The following SNTG1 variants were observed in gnomAD, a reference collection of about 807,000 sequenced individuals.
SNTG1 encodes the protein syntrophin gamma 1.
A neutral mutation model predicts 74.7 loss-of-function variants in SNTG1; 39 were observed. The ratio of observed to expected loss-of-function variants is 0.52; its 90% CI spans 0.40 to 0.68. The LOEUF is 0.68. Among genes scored for constraint, SNTG1 ranks in the 30% least tolerant of loss-of-function variants. The pLI, the probability that SNTG1 is intolerant of heterozygous loss-of-function variation, is 0.00. For missense variants in SNTG1, 685 were observed against 609.5 expected, an observed-to-expected ratio of 1.12 and a Z score of -1.30; for synonymous variants, 254 against 217.1, an observed-to-expected ratio of 1.17 and a Z score of -1.49.
chr8:50,330,967 T>C (rs761819990), intron 2 of SNTG1, among the ~76,000 whole-genome samples: 5 of 152,222 alleles, frequency 3.3e-5, no homozygotes, highest in African/African-American at 4.8e-5. Context: ...AGCTAAACCA[T>C]ATCATGTGAT....
intron 1 of SNTG1, among the ~76,000 whole-genome samples, chr8:49,959,709 T>G (rs2129161): frequency 0.64 from 97,657 of 152,132 alleles, 35,431 homozygotes; most frequent in East Asian, 0.86. Context: ...GATGAATATT[T>G]CACCTGTTTC....
chr8:50,580,499 C>A (rs1459286967), intron 12 of SNTG1, among the ~76,000 whole-genome samples: 1 of 152,108 alleles, frequency 6.6e-6, no homozygotes, highest in Non-Finnish European at 1.5e-5. Flanking sequence ...CCACCCAAAT[C>A]TCATCTTGAA....
chr8:50,170,809 A>G (rs944361783), intron 1 of SNTG1, among the ~76,000 whole-genome samples: 1 of 152,148 alleles, frequency 6.6e-6, no homozygotes, highest in Non-Finnish European at 1.5e-5. Context: ...AGGTCCCCAC[A>G]TTCTTGCCGC....
intron 2 of SNTG1, among the ~76,000 whole-genome samples, chr8:50,186,688 CTGTT>C (rs1386284990): frequency 6.6e-6 from 1 of 151,756 alleles, no homozygotes; most frequent in African/African-American, 2.4e-5. Context: ...TGAGAAGTGT[CTGTT>C]CATATCCTTT....
chr8:50,035,877 T>C (rs948525421), intron 1 of SNTG1, among the ~76,000 whole-genome samples: 2 of 152,064 alleles, frequency 1.3e-5, no homozygotes, highest in Non-Finnish European at 2.9e-5. Context: ...CTCGGACAGA[T>C]GTCCAAGCAC....
intron 4 of SNTG1, among the ~76,000 whole-genome samples, chr8:50,403,446 C>G (rs532015971): frequency 6.6e-6 from 1 of 152,268 alleles, no homozygotes; most frequent in East Asian, 1.9e-4. Flanking sequence ...AAACTGTTCC[C>G]ATGGGGTTGT....
intron 9 of SNTG1, 25 bp downstream of exon 9, chr8:50,502,905 A>G (rs1377173770): frequency 1.3e-6 from 2 of 1,522,258 alleles, no homozygotes; most frequent in South Asian, 1.1e-5. Context: ...AGAATAGATA[A>G]AAGTGCTCAC....
intron 1 of SNTG1, among the ~76,000 whole-genome samples, chr8:50,115,575 A>AC (rs2080784018): frequency 6.9e-6 from 1 of 144,776 alleles, no homozygotes; most frequent in Non-Finnish European, 1.5e-5. Context: ...CTCAAAAAAA[A>AC]AAAAAAAAAA....
intron 2 of SNTG1, among the ~76,000 whole-genome samples, chr8:50,244,065 T>G (rs73577260): frequency 0.031 from 4,662 of 152,220 alleles, 231 homozygotes; most frequent in African/African-American, 0.1. Flanking sequence ...TGGCATCTGC[T>G]TGGCTTCTGG....
chr8:50,107,560 G>GT (rs1185445563), intron 1 of SNTG1, among the ~76,000 whole-genome samples: 3 of 143,062 alleles, frequency 2.1e-5, no homozygotes, highest in African/African-American at 5.1e-5. Flanking sequence ...AAGGTTTTTT[G>GT]TTTTTTTGTT....
At chr8:50,511,840 G>A (rs1438077708) in intron 9 of SNTG1, among the ~76,000 whole-genome samples, 6 of 152,132 alleles carry the variant, frequency 3.9e-5, no homozygotes, top group Non-Finnish European at 8.8e-5. Flanking sequence ...CCTGAATACA[G>A]CACACTGATG....
At chr8:50,289,901 G>A (rs1454969621) in intron 2 of SNTG1, among the ~76,000 whole-genome samples, 1 of 152,082 alleles carries the variant, frequency 6.6e-6, no homozygotes, top group African/African-American at 2.4e-5. Flanking sequence ...GGGAATGCAC[G>A]GAATGTACAC....
At chr8:50,057,497 G>A (rs1820124469) in intron 1 of SNTG1, among the ~76,000 whole-genome samples, 1 of 152,044 alleles carries the variant, frequency 6.6e-6, no homozygotes. Context: ...TAAAATGAAA[G>A]AGAACAAGGT....
intron 2 of SNTG1, among the ~76,000 whole-genome samples, chr8:50,210,072 G>A (rs553788625): frequency 1.3e-5 from 2 of 152,236 alleles, no homozygotes; most frequent in East Asian, 3.9e-4. Flanking sequence ...CGAGAACTAC[G>A]TGAAGCATGC....
chr8:50,486,018 C>A (rs1275984499), intron 8 of SNTG1, among the ~76,000 whole-genome samples: 2 of 152,106 alleles, frequency 1.3e-5, no homozygotes, highest in Admixed American at 1.3e-4. Context: ...CTGTTCTGTT[C>A]CATTGATCTA....
intron 2 of SNTG1, among the ~76,000 whole-genome samples, chr8:50,284,090 G>T (rs994856411): frequency 1.3e-5 from 2 of 151,870 alleles, no homozygotes; most frequent in African/African-American, 2.4e-5. Context: ...TGTCTGTAAC[G>T]GTGTCACAGA....
At chr8:50,580,494 C>T (rs2094603535) in intron 12 of SNTG1, among the ~76,000 whole-genome samples, 1 of 152,066 alleles carries the variant, frequency 6.6e-6, no homozygotes, top group Non-Finnish European at 1.5e-5. Context: ...TGTCCCCACC[C>T]AAATCTCATC....
chr8:50,666,015 T>C (rs1255287407), intron 15 of SNTG1, among the ~76,000 whole-genome samples: 1 of 152,098 alleles, frequency 6.6e-6, no homozygotes, highest in African/African-American at 2.4e-5. Flanking sequence ...GCATGTCTGA[T>C]AGGGAGACAG....
chr8:50,371,700 T>C (rs1470920152), intron 2 of SNTG1, among the ~76,000 whole-genome samples: 2 of 152,220 alleles, frequency 1.3e-5, no homozygotes, highest in African/African-American at 4.8e-5. Context: ...TTTATTCATA[T>C]ATTTGAGTGC....
Sources: gnomAD v4.1 joint callset for allele counts (sites outside exome capture counted in the v4.1 genomes callset) on GRCh38, gnomAD v4.1.1 for gene constraint, MANE v1.5 for transcripts, NCBI Gene and HGNC (gene_info 2026-07-23, HGNC 2026-07-21) for gene names.